EFCAB13: variants seen among roughly 807,000 people sequenced by gnomAD.
EFCAB13 encodes EF-hand calcium-binding domain-containing protein 13.
A neutral mutation model predicts 110.2 loss-of-function variants in EFCAB13; 91 were observed. The ratio of observed to expected loss-of-function variants is 0.83; its 90% CI spans 0.70 to 0.98. The LOEUF (loss-of-function observed/expected upper bound fraction) is 0.98. EFCAB13 is among the 50% of genes least tolerant of loss of function. The pLI is 0.00. For missense variants in EFCAB13, 968 were observed against 1,119.4 expected (o/e 0.86, Z 1.93); for synonymous variants, 323 against 369.9 (o/e 0.87, Z 1.45).
At chr17:47,356,927 T>C (rs2065483794) in intron 9 of EFCAB13, among the ~76,000 whole-genome samples, 1 of 152,128 alleles carries the variant, frequency 6.6e-6, no homozygotes, top group African/African-American at 2.4e-5. Context: ...GGTGAAGGTG[T>C]GGTTCCCAGG....
chr17:47,406,900 C>G (rs1458663717), intron 20 of EFCAB13, among the ~76,000 whole-genome samples: 3 of 152,184 alleles, frequency 2.0e-5, no homozygotes, highest in African/African-American at 7.2e-5. Context: ...TTACCAATGA[C>G]AAATGACTAT....
chr17:47,411,221 G>C (rs1375487128), intron 21 of EFCAB13, among the ~76,000 whole-genome samples: 1 of 152,094 alleles, frequency 6.6e-6, no homozygotes, highest in Non-Finnish European at 1.5e-5. Context: ...TATCTCTTCA[G>C]ACTCACCGTT....
At chr17:47,365,404 T>C (rs1349805920) in intron 10 of EFCAB13, among the ~76,000 whole-genome samples, 1 of 152,158 alleles carries the variant, frequency 6.6e-6, no homozygotes, top group Admixed American at 6.5e-5. Flanking sequence ...AGGAAAATAA[T>C]CTTAATAGAT....
chr17:47,397,583 C>A (rs1481988361), intron 17 of EFCAB13, among the ~76,000 whole-genome samples: 1 of 151,204 alleles, frequency 6.6e-6, no homozygotes, highest in Non-Finnish European at 1.5e-5. Flanking sequence ...CTCTTCCCGG[C>A]CGCCATCCTA....
At chr17:47,426,056 C>G (rs539816506) in intron 23 of EFCAB13, among the ~76,000 whole-genome samples, 1 of 152,300 alleles carries the variant, frequency 6.6e-6, no homozygotes, top group Non-Finnish European at 1.5e-5. Context: ...ATCCAAACCA[C>G]TATGCTCTTC....
At chr17:47,398,507 T>C (rs371366987) in intron 17 of EFCAB13, among the ~76,000 whole-genome samples, 18 of 151,712 alleles carry the variant, frequency 1.2e-4, no homozygotes, top group South Asian at 6.3e-4. Flanking sequence ...TTTCATTTTG[T>C]TCTGTACTAA....
At chr17:47,380,308 C>G (rs1186377909) in intron 14 of EFCAB13, among the ~76,000 whole-genome samples, 2 of 152,090 alleles carry the variant, frequency 1.3e-5, no homozygotes, top group African/African-American at 4.8e-5. Context: ...TCAACTCCCA[C>G]TTATGAGTGA....
At chr17:47,388,915 A>AT (rs111951092) in intron 14 of EFCAB13, among the ~76,000 whole-genome samples, 65 of 148,460 alleles carry the variant, frequency 4.4e-4, no homozygotes, top group East Asian at 5.9e-4. Context: ...TCAACACTTG[A>AT]TTTTTTTTTT....
At chr17:47,364,661 T>G (rs2065535938) in intron 10 of EFCAB13, among the ~76,000 whole-genome samples, 1 of 152,218 alleles carries the variant, frequency 6.6e-6, no homozygotes, top group African/African-American at 2.4e-5. Flanking sequence ...CCATTGCAGT[T>G]CATCCTAACA....
chr17:47,332,194 A>G (rs2065323420), intron 4 of EFCAB13, among the ~76,000 whole-genome samples: 1 of 152,100 alleles, frequency 6.6e-6, no homozygotes, highest in Admixed American at 6.6e-5. Context: ...AGCAATGATG[A>G]GAGTTCTTGC....
intron 23 of EFCAB13, among the ~76,000 whole-genome samples, chr17:47,427,451 G>A (rs997075587): frequency 1.3e-5 from 2 of 151,948 alleles, no homozygotes; most frequent in Non-Finnish European, 2.9e-5. Flanking sequence ...CATTCAAATG[G>A]CATAGTTGGG....
chr17:47,334,327 T>G (rs966260964), intron 4 of EFCAB13, among the ~76,000 whole-genome samples: 1 of 152,226 alleles, frequency 6.6e-6, no homozygotes, highest in Admixed American at 6.5e-5. Context: ...TATTATGTTT[T>G]AAGAGTTCTT....
At chr17:47,380,785 G>A (rs1555582485) in intron 14 of EFCAB13, among the ~76,000 whole-genome samples, 1 of 151,970 alleles carries the variant, frequency 6.6e-6, no homozygotes, top group Non-Finnish European at 1.5e-5. Context: ...ACTGGCATGA[G>A]ATGGTATCTC....
intron 21 of EFCAB13, 46 bp downstream of exon 21, chr17:47,409,737 T>G (rs1036564454): frequency 3.5e-6 from 5 of 1,415,100 alleles, no homozygotes; most frequent in Non-Finnish European, 5.0e-6. Flanking sequence ...TAATAAGAGA[T>G]ATTTTTTAGA....
rs138374563 is a variant in EFCAB13 at position 47,355,950 on chromosome 17, T to A, written c.662-5428T>A. On this transcript the variant is annotated intron_variant, in intron 9 of 24. Transcript: ENST00000331493. ...GGTTAATTAGAAAGCCTTTTCTTCA[T>A]GCTCTGAAGTTTTTTCTTCTACTTA... 1.8e-3 allele frequency among the ~76,000 whole-genome samples: 275 copies of A among 152,282 alleles called. 1 individual carries two copies. Among genetic ancestry groups the A allele is most frequent in the African/African-American group, 6.4e-3 (265 of 41,558 alleles).
chr17:47,391,166 C>T (rs913367853), intron 14 of EFCAB13, among the ~76,000 whole-genome samples: 5 of 152,020 alleles, frequency 3.3e-5, no homozygotes, highest in African/African-American at 9.7e-5. Context: ...CTTTCAAATC[C>T]CTGGCCTCAA....
intron 12 of EFCAB13, 23 bp from the exon 13 acceptor site, chr17:47,377,743 T>C: frequency 6.5e-7 from 1 of 1,543,856 alleles, no homozygotes. Flanking sequence ...TGCCTAATAG[T>C]TCTCTACATT....
intron 10 of EFCAB13, among the ~76,000 whole-genome samples, chr17:47,368,024 C>A (rs1203331276): frequency 2.6e-5 from 4 of 152,058 alleles, no homozygotes; most frequent in Non-Finnish European, 1.5e-5. Flanking sequence ...TATCCTGAAG[C>A]TACAACAGTT....
In EFCAB13 at chr17:47,360,766, G is replaced by A. The variant is rs553384719; in HGVS notation, c.662-612G>A. Among the ~76,000 whole-genome samples the A allele has an allele frequency of 1.4e-4, 22 of 152,150 alleles. No homozygotes were observed. The South Asian group carries it at 3.9e-3, about 27-fold the overall frequency. On this transcript the variant is annotated intron_variant, in intron 9 of 24. Coordinates refer to ENST00000331493, the MANE Select transcript of EFCAB13 (RefSeq NM_152347.5). The stretch of plus-strand genomic sequence containing the variant: ...GGGTTTTTATGGTTTTAGGTCTAAC[G>A]TTTAAGTCTTTAATCCATCTTGAAT...
Sources: allele counts gnomAD v4.1 joint callset (sites outside exome capture counted in the v4.1 genomes callset), GRCh38; gene constraint gnomAD v4.1.1; transcripts MANE v1.5; gene names NCBI Gene and HGNC (gene_info 2026-07-23, HGNC 2026-07-21).